Variants in SCARA5 observed in about 807,000 individuals in gnomAD.
The protein encoded by SCARA5 is scavenger receptor class A, member 5 (putative).
A neutral mutation model predicts 46.3 loss-of-function variants in SCARA5; 45 were observed. The observed-to-expected ratio is 0.97, with a 90% CI of 0.76 to 1.24. The LOEUF (loss-of-function observed/expected upper bound fraction) is 1.24. Among genes scored for constraint, SCARA5 ranks in the 50% most tolerant of loss-of-function variants. The pLI is 0.00. For synonymous variants in SCARA5, 333 were observed against 306.5 expected (o/e 1.09, Z -0.90); for missense variants, 680 against 689.0 (o/e 0.99, Z 0.15).
Position 27,922,158 on chromosome 8 carries a change from A to G in SCARA5, c.329T>C (p.Leu110Pro). Residue 110 changes from leucine (L) to proline (P), a missense_variant, in exon 4 of 9, where the codon CTG (leucine) becomes CCG (proline). Physicochemically the swap from Leu to Pro is moderately conservative, Grantham distance 98. Coordinates refer to ENST00000354914, the MANE Select transcript of SCARA5 (RefSeq NM_173833.6). ...RLNESFRDLQ[L>P]RLLQAPLQAD... is the part of the protein sequence containing the mutation. ...TTGCAGCGGAGCCTGCAGCAGCCGCAGCTGCAAGTCCCGGAAGCTCTCATT... is the reference window on the plus strand; with the variant it reads ...TTGCAGCGGAGCCTGCAGCAGCCGCGGCTGCAAGTCCCGGAAGCTCTCATT... The G allele has an allele frequency of 1.2e-6, 2 of 1,608,272 alleles. No individual in the cohort carries two copies. Among genetic ancestry groups the G allele is most frequent in the Non-Finnish European group, 1.7e-6 (2 of 1,178,044 alleles).
intron 3 of SCARA5, among the ~76,000 whole-genome samples, chr8:27,948,212 C>G (rs1249677794): frequency 6.6e-6 from 1 of 152,100 alleles, no homozygotes; most frequent in Non-Finnish European, 1.5e-5. Context: ...GGGTGGAGGA[C>G]AGATTTGGCC....
At chr8:27,926,247 C>T (rs1015000585) in intron 3 of SCARA5, among the ~76,000 whole-genome samples, 1 of 152,174 alleles carries the variant, frequency 6.6e-6, no homozygotes, top group South Asian at 2.1e-4. Context: ...CACATATACA[C>T]CATGGAATAC....
In SCARA5 at chr8:27,979,059, A is replaced by G. The variant is rs143777758; in HGVS notation, c.112+8445T>C. Among the ~76,000 whole-genome samples the G allele has an allele frequency of 5.9e-3, 900 of 152,278 alleles. 12 individuals are homozygous for G. Among genetic ancestry groups the G allele is most frequent in the African/African-American group, 0.02 (837 of 41,540 alleles). ...TCTAATTCCACCCACACAGTCGAGC[A>G]CAGGTGGAAAAAGAAAACCACGCCC... is the stretch of plus-strand genomic sequence containing the variant. On this transcript the variant is annotated intron_variant, in intron 2 of 8. Coordinates refer to ENST00000354914, the MANE Select transcript of SCARA5 (RefSeq NM_173833.6).
intron 8 of SCARA5, among the ~76,000 whole-genome samples, chr8:27,873,055 C>A (rs1806665699): frequency 6.6e-6 from 1 of 152,226 alleles, no homozygotes; most frequent in South Asian, 2.1e-4. Context: ...ACCCTGTCAG[C>A]TCTAGGTACC....
At chr8:27,984,659 T>C (rs780942100) in intron 2 of SCARA5, among the ~76,000 whole-genome samples, 339 of 147,004 alleles carry the variant, frequency 2.3e-3, no homozygotes, top group South Asian at 4.2e-3. Context: ...CATTCATTCA[T>C]CCATCCATTC....
intron 4 of SCARA5, among the ~76,000 whole-genome samples, chr8:27,911,281 C>T (rs1807370116): frequency 6.6e-6 from 1 of 152,182 alleles, no homozygotes; most frequent in South Asian, 2.1e-4. Flanking sequence ...GACTGTGTCC[C>T]ATCTTTCCTA....
chr8:27,926,598 A>G (rs1807684581), intron 3 of SCARA5, among the ~76,000 whole-genome samples: 1 of 152,222 alleles, frequency 6.6e-6, no homozygotes, highest in Admixed American at 6.5e-5. Flanking sequence ...ATAAAAAATT[A>G]ATAAATAAAA....
chr8:27,941,482 G>A (rs1310493382), intron 3 of SCARA5, among the ~76,000 whole-genome samples: 1 of 152,280 alleles, frequency 6.6e-6, no homozygotes, highest in East Asian at 1.9e-4. Context: ...AACTCTAATT[G>A]AGCACTTACT....
chr8:27,887,328 G>A (rs892568850), intron 7 of SCARA5, among the ~76,000 whole-genome samples: 7 of 152,248 alleles, frequency 4.6e-5, no homozygotes, highest in Middle Eastern at 3.4e-3. Flanking sequence ...CCTCAGGTGA[G>A]GGCGTTAGGT....
intron 4 of SCARA5, among the ~76,000 whole-genome samples, chr8:27,920,378 T>C (rs1352610026): frequency 6.6e-6 from 1 of 152,076 alleles, no homozygotes; most frequent in Non-Finnish European, 1.5e-5. Flanking sequence ...TTTGGGAGGC[T>C]GAGGCAGGAG....
At chr8:27,902,581 C>T (rs983011491) in intron 7 of SCARA5, among the ~76,000 whole-genome samples, 3 of 152,204 alleles carry the variant, frequency 2.0e-5, no homozygotes, top group Non-Finnish European at 4.4e-5. Context: ...GGCATGCGGG[C>T]AGTGTTTCTG....
Position 27,887,577 on chromosome 8 carries a change from G to A in SCARA5, c.1154-7811C>T, listed in dbSNP as rs569947706. Among the ~76,000 whole-genome samples, 4 of 152,312 alleles carry A rather than the reference G, an allele frequency of 2.6e-5. No individual in the cohort carries two copies. The East Asian group carries it at 7.7e-4, about 29-fold the overall frequency. On this transcript the variant is annotated intron_variant, in intron 7 of 8. Coordinates refer to ENST00000354914, the MANE Select transcript of SCARA5 (RefSeq NM_173833.6). ...AAACAAGGAGAGGCTGTTCTTGACA[G>A]CTTATTCCAATCCCCATCCCACAAG...
At chr8:27,872,713 T>C (rs1349322636) in intron 8 of SCARA5, among the ~76,000 whole-genome samples, 1 of 152,232 alleles carries the variant, frequency 6.6e-6, no homozygotes, top group Non-Finnish European at 1.5e-5. Context: ...ACACATCGGT[T>C]TACAAATTAC....
At chr8:27,909,559 G>C in intron 5 of SCARA5, 104 bp downstream of exon 5, 2 of 753,826 alleles carry the variant, frequency 2.7e-6, no homozygotes, top group Non-Finnish European at 4.4e-6. Flanking sequence ...GGAGTTGATT[G>C]GGCACTCCCC....
chr8:27,940,823 T>C (rs1231949877), intron 3 of SCARA5, among the ~76,000 whole-genome samples: 2 of 143,992 alleles, frequency 1.4e-5, no homozygotes, highest in Non-Finnish European at 3.0e-5. Context: ...CTGACCATAA[T>C]GCAAAAGGCA....
chr8:27,941,833 T>TATTATTATA (rs1427082954), intron 3 of SCARA5, among the ~76,000 whole-genome samples: 1 of 146,232 alleles, frequency 6.8e-6, no homozygotes, highest in Non-Finnish European at 1.5e-5. Context: ...TTATTATTAT[T>TATTATTATA]ATTATTATTT....
chr8:27,942,081 G>C (rs186922765), intron 3 of SCARA5, among the ~76,000 whole-genome samples: 1 of 151,842 alleles, frequency 6.6e-6, no homozygotes, highest in Non-Finnish European at 1.5e-5. Flanking sequence ...TACCCACCTC[G>C]GCCTCCCATA....
At chr8:27,968,347 A>G (rs1808400306) in intron 2 of SCARA5, among the ~76,000 whole-genome samples, 1 of 152,184 alleles carries the variant, frequency 6.6e-6, no homozygotes, top group Non-Finnish European at 1.5e-5. Flanking sequence ...GACTATTCTC[A>G]CTCATCCTTA....
At chr8:27,965,860 C>T (rs1808361008) in intron 3 of SCARA5, among the ~76,000 whole-genome samples, 1 of 152,230 alleles carries the variant, frequency 6.6e-6, no homozygotes, top group South Asian at 2.1e-4. Flanking sequence ...TGTTCCATCC[C>T]TTCTTGAGTC....
Sources: allele counts gnomAD v4.1 joint callset (sites outside exome capture counted in the v4.1 genomes callset), GRCh38; gene constraint gnomAD v4.1.1; transcripts MANE v1.5; gene names NCBI Gene and HGNC (gene_info 2026-07-23, HGNC 2026-07-21).